GALNT18: variants seen among roughly 807,000 people sequenced by gnomAD.
GALNT18 encodes polypeptide N-acetylgalactosaminyltransferase 18.
In GALNT18, 44 loss-of-function variants were observed where a neutral mutation model predicts 69.5. The observed-to-expected ratio is 0.63, with a 90% confidence interval of 0.50 to 0.81. The LOEUF is 0.81. GALNT18 is among the 40% of genes least tolerant of loss of function. The pLI is 0.00. For missense variants in GALNT18, 715 were observed against 810.0 expected (o/e 0.88, Z 1.42); for synonymous variants, 364 against 318.2 (o/e 1.14, Z -1.53).
intron 3 of GALNT18, among the ~76,000 whole-genome samples, chr11:11,429,748 C>T (rs1325220613): frequency 6.6e-6 from 1 of 152,140 alleles, no homozygotes; most frequent in Non-Finnish European, 1.5e-5. Context: ...GAGCTCTGGC[C>T]CTTCACACCA....
At chr11:11,489,346 C>T (rs946602270) in intron 1 of GALNT18, among the ~76,000 whole-genome samples, 2 of 152,150 alleles carry the variant, frequency 1.3e-5, no homozygotes, top group Non-Finnish European at 2.9e-5. Flanking sequence ...CTCAAGGATA[C>T]GGTGCTAGGA....
At chr11:11,278,157 A>G (rs61872376) in intron 10 of GALNT18, among the ~76,000 whole-genome samples, 21,235 of 152,128 alleles carry the variant, frequency 0.14, 1,767 homozygotes, top group South Asian at 0.23. Context: ...TAGGTCTCTA[A>G]GAACTTGCTT....
chr11:11,477,302 C>T (rs1331082660), intron 1 of GALNT18, among the ~76,000 whole-genome samples: 5 of 152,206 alleles, frequency 3.3e-5, no homozygotes, highest in African/African-American at 1.2e-4. Context: ...ACCAAAGGGG[C>T]AGGAACCATG....
At chr11:11,467,171 G>A (rs1467547933) in intron 1 of GALNT18, among the ~76,000 whole-genome samples, 2 of 152,134 alleles carry the variant, frequency 1.3e-5, no homozygotes, top group Non-Finnish European at 2.9e-5. Context: ...CATATGCTAT[G>A]TGTGCCCACG....
At chr11:11,410,157 G>C (rs762155281) in intron 3 of GALNT18, among the ~76,000 whole-genome samples, 2 of 152,144 alleles carry the variant, frequency 1.3e-5, no homozygotes, top group Non-Finnish European at 2.9e-5. Flanking sequence ...CCCTGTCAAG[G>C]ACTCCCTGTG....
At chr11:11,326,178 G>A (rs1446043294) in intron 9 of GALNT18, among the ~76,000 whole-genome samples, 2 of 151,674 alleles carry the variant, frequency 1.3e-5, no homozygotes, top group East Asian at 1.9e-4. Flanking sequence ...CTGAGTAGCT[G>A]GGACTACAGG....
chr11:11,414,567 C>T (rs1026090725), intron 3 of GALNT18, among the ~76,000 whole-genome samples: 2 of 152,206 alleles, frequency 1.3e-5, no homozygotes, highest in African/African-American at 4.8e-5. Context: ...AATCATCTAA[C>T]CTGAAGCATG....
intron 1 of GALNT18, among the ~76,000 whole-genome samples, chr11:11,589,743 G>A (rs904877416): frequency 6.6e-6 from 1 of 152,192 alleles, no homozygotes; most frequent in Non-Finnish European, 1.5e-5. Flanking sequence ...TAAGCCAGGA[G>A]CTTCACAGAC....
intron 10 of GALNT18, among the ~76,000 whole-genome samples, chr11:11,282,801 A>T (rs1338127416): frequency 6.6e-5 from 10 of 152,238 alleles, no homozygotes; most frequent in Non-Finnish European, 1.5e-4. Context: ...CCACTGAGAT[A>T]TATCAGTGAC....
Position 11,601,278 on chromosome 11 carries a change from ATACTTGTT to A in GALNT18, c.235+20073_235+20080del, listed in dbSNP as rs773523284. Among the ~76,000 whole-genome samples, 14 of 152,196 alleles carry A rather than the reference ATACTTGTT, an allele frequency of 9.2e-5. No individual in the cohort carries two copies. Among genetic ancestry groups the A allele is most frequent in the African/African-American group, 1.4e-4 (6 of 41,444 alleles). On this transcript the variant is annotated intron_variant, in intron 1 of 10. Coordinates refer to ENST00000227756, the MANE Select transcript of GALNT18 (RefSeq NM_198516.3). This position sits in a 1 kb window ranked among gnomAD's most constrained non-coding sequence, Gnocchi z 4.0. ...CAAGGACTTCTTGTTGTTGCACTAT[ATACTTGTT>A]TACTTGTTTACCGCATTGGATGGGC... is the stretch of plus-strand genomic sequence containing the variant.
intron 1 of GALNT18, among the ~76,000 whole-genome samples, chr11:11,548,713 C>T (rs1363949794): frequency 6.6e-6 from 1 of 152,240 alleles, no homozygotes; most frequent in Non-Finnish European, 1.5e-5. Flanking sequence ...CACAATTTAT[C>T]ACTTTTCCCA....
rs1859126740 is a variant in GALNT18 at position 11,583,168 on chromosome 11, C to A, written c.235+38191G>T. Among the ~76,000 whole-genome samples, 1 of 152,182 alleles carries A rather than the reference C, an allele frequency of 6.6e-6. No individual in the cohort carries two copies. Among genetic ancestry groups the A allele is most frequent in the Admixed American group, 6.5e-5 (1 of 15,280 alleles). ...TCCCTTTAATGAGGTTTTTCCACAG[C>A]AGCACAGAACCAGTCTCCTGCTGAG... On this transcript the variant is annotated intron_variant, in intron 1 of 10. Transcript: ENST00000227756. The surrounding 1 kb of genome is among the most constrained non-coding windows in gnomAD (Gnocchi z 4.7).
In GALNT18 at chr11:11,421,698, A is replaced by T. The variant is rs1855008491; in HGVS notation, c.595+10923T>A. ...ATCCCAGGCTGCTGCACTGCTGTTA[A>T]GTCAAGGCCACCCACTGGGAAGAAA... On this transcript the variant is annotated intron_variant, in intron 3 of 10. Coordinates refer to ENST00000227756, the MANE Select transcript of GALNT18 (RefSeq NM_198516.3). The surrounding 1 kb of genome is among the most constrained non-coding windows in gnomAD (Gnocchi z 5.6). Among the ~76,000 whole-genome samples the T allele has an allele frequency of 6.6e-6, 1 of 151,918 alleles. No individual in the cohort carries two copies. The highest frequency in any genetic ancestry group is 2.1e-4 in the South Asian group (1 of 4,824).
intron 6 of GALNT18, among the ~76,000 whole-genome samples, chr11:11,343,710 ACTGGAACAGTGG>A (rs1850251018): frequency 6.6e-6 from 1 of 152,176 alleles, no homozygotes; most frequent in Non-Finnish European, 1.5e-5. Context: ...TCTTTTTGCC[ACTGGAACAGTGG>A]CTATTGCTTG....
chr11:11,316,280 C>A (rs113749255), intron 9 of GALNT18, among the ~76,000 whole-genome samples: 3 of 152,062 alleles, frequency 2.0e-5, no homozygotes, highest in East Asian at 1.9e-4. Flanking sequence ...TATTTATAGA[C>A]AAAAATCATA....
rs1405522807 is a variant in GALNT18 at position 11,541,211 on chromosome 11, G to C, written c.235+80148C>G. Among the ~76,000 whole-genome samples, 3 of 152,106 alleles carry C rather than the reference G, an allele frequency of 2.0e-5. No homozygotes were observed. The highest frequency in any genetic ancestry group is 7.2e-5 in the African/African-American group (3 of 41,406). ...TTCTTTCACCCTCCCTCAGGAATCA[G>C]GGTCAGCCCAGTGCCATGCAAATAA... On this transcript the variant is annotated intron_variant, in intron 1 of 10. Transcript: ENST00000227756. The surrounding 1 kb of genome is among the most constrained non-coding windows in gnomAD (Gnocchi z 4.8).
rs1432870084 is a variant in GALNT18 at position 11,496,593 on chromosome 11, A to G, written c.236-47657T>C. On this transcript the variant is annotated intron_variant, in intron 1 of 10. Coordinates refer to ENST00000227756, the MANE Select transcript of GALNT18 (RefSeq NM_198516.3). The surrounding 1 kb of genome is among the most constrained non-coding windows in gnomAD (Gnocchi z 4.0). Reference sequence around the variant, plus strand: ...CTCAGTAGGTTCTAATCAACATCACAGAGAAGTAGATGAAGGGCTACCACA... The same window carrying G: ...CTCAGTAGGTTCTAATCAACATCACGGAGAAGTAGATGAAGGGCTACCACA... Among the ~76,000 whole-genome samples the G allele has an allele frequency of 1.3e-5, 2 of 152,176 alleles. No individual in the cohort carries two copies. The highest frequency in any genetic ancestry group is 2.9e-5 in the Non-Finnish European group (2 of 68,028).
chr11:11,489,846 T>C (rs940021534), intron 1 of GALNT18, among the ~76,000 whole-genome samples: 2 of 152,190 alleles, frequency 1.3e-5, no homozygotes, highest in Non-Finnish European at 2.9e-5. Flanking sequence ...AGAAAGTTTA[T>C]ATTAAACAAT....
intron 1 of GALNT18, among the ~76,000 whole-genome samples, chr11:11,498,796 C>A (rs974995465): frequency 6.6e-6 from 1 of 151,924 alleles, no homozygotes; most frequent in Non-Finnish European, 1.5e-5. Flanking sequence ...GAGACTCCAT[C>A]TCAAAAAAAT....
Sources: allele counts gnomAD v4.1 joint callset (sites outside exome capture counted in the v4.1 genomes callset), GRCh38; gene constraint gnomAD v4.1.1; non-coding constraint Gnocchi (gnomAD v3.1); transcripts MANE v1.5; gene names NCBI Gene and HGNC (gene_info 2026-07-23, HGNC 2026-07-21).